Variants in C5orf63 observed in about 807,000 individuals in gnomAD.
The protein encoded by C5orf63 is chromosome 5 open reading frame 63.
A neutral mutation model predicts 13.3 loss-of-function variants in C5orf63; 18 were observed. That is an observed-to-expected ratio of 1.36 (90% CI 0.94 to 2.01). C5orf63 has a LOEUF of 2.01. C5orf63 is among the 30% of genes most tolerant of loss of function. The pLI, the probability that C5orf63 is intolerant of heterozygous loss-of-function variation, is 0.00. For synonymous variants in C5orf63, 38 were observed against 44.7 expected, an observed-to-expected ratio of 0.85 and a Z score of 0.60; for missense variants, 118 against 127.7, an observed-to-expected ratio of 0.92 and a Z score of 0.36.
chr5:127,062,879 G>A (rs1754161224), intron 2 of C5orf63, among the ~76,000 whole-genome samples: 1 of 152,120 alleles, frequency 6.6e-6, no homozygotes, highest in African/African-American at 2.4e-5. Flanking sequence ...CATGAAATAT[G>A]TGTCCTTACT....
chr5:127,058,344 A>T (rs762006658), intron 3 of C5orf63, among the ~76,000 whole-genome samples: 3 of 152,232 alleles, frequency 2.0e-5, no homozygotes, highest in Non-Finnish European at 4.4e-5. Flanking sequence ...CTCTAACTGC[A>T]TCCATGTTGC....
downstream of C5orf63, chr5:127,047,632 G>C: frequency 1.5e-6 from 1 of 680,446 alleles, no homozygotes; most frequent in East Asian, 2.7e-5. Context: ...GCATCTTTCT[G>C]TCTCCCTCTA....
intron 3 of C5orf63, among the ~76,000 whole-genome samples, chr5:127,055,351 A>C (rs982196237): frequency 6.6e-6 from 1 of 152,216 alleles, no homozygotes; most frequent in Admixed American, 6.5e-5. Flanking sequence ...ACCTGACTTC[A>C]AACTATATTA....
chr5:127,052,961 T>C (rs961779932), intron 3 of C5orf63, among the ~76,000 whole-genome samples: 5 of 152,218 alleles, frequency 3.3e-5, no homozygotes, highest in African/African-American at 1.2e-4. Context: ...TAGATGTTTC[T>C]CTTTTTCACT....
intron 2 of C5orf63, among the ~76,000 whole-genome samples, chr5:127,070,188 A>C (rs1055855779): frequency 1.3e-5 from 2 of 152,188 alleles, no homozygotes; most frequent in Non-Finnish European, 2.9e-5. Context: ...AAAGATTCAC[A>C]TCCATTTCAT....
At chr5:127,046,375 T>G (rs1032416769), downstream of C5orf63, 1 of 152,260 alleles carries the variant, frequency 6.6e-6, no homozygotes, top group Non-Finnish European at 1.5e-5. Context: ...AGTCATGAAG[T>G]TTTGTCAACC....
At chr5:127,060,773 C>A (rs1397501425) in intron 2 of C5orf63, among the ~76,000 whole-genome samples, 1 of 152,184 alleles carries the variant, frequency 6.6e-6, no homozygotes, top group African/African-American at 2.4e-5. Context: ...TTGGCCTGGG[C>A]CTCATGTAAT....
At chr5:127,059,908 G>T (rs1462267972) in intron 2 of C5orf63, among the ~76,000 whole-genome samples, 1 of 152,084 alleles carries the variant, frequency 6.6e-6, no homozygotes, top group Non-Finnish European at 1.5e-5. Context: ...CACTTTGGGA[G>T]GCCAAGGCAT....
At chr5:127,054,578 G>A (rs1273800280) in intron 3 of C5orf63, among the ~76,000 whole-genome samples, 1 of 152,066 alleles carries the variant, frequency 6.6e-6, no homozygotes, top group Non-Finnish European at 1.5e-5. Flanking sequence ...CTTTTTGATG[G>A]GATTGTTTGA....
downstream of C5orf63, among the ~76,000 whole-genome samples, chr5:127,048,845 A>G (rs1162431008): frequency 6.6e-6 from 1 of 152,188 alleles, no homozygotes. Flanking sequence ...GAAGGGAACC[A>G]ATGGATTTTC....
intron 2 of C5orf63, among the ~76,000 whole-genome samples, chr5:127,068,324 G>C (rs1188154858): frequency 6.6e-6 from 1 of 152,084 alleles, no homozygotes; most frequent in Non-Finnish European, 1.5e-5. Flanking sequence ...CCTTAAAGAG[G>C]ACTCAAATTC....
chr5:127,057,682 T>C (rs368578183), intron 3 of C5orf63, among the ~76,000 whole-genome samples: 1 of 152,190 alleles, frequency 6.6e-6, no homozygotes, highest in Non-Finnish European at 1.5e-5. Flanking sequence ...TGGTGAGAGA[T>C]TTCAGTTACC....
Position 127,051,633 on chromosome 5 carries a change from T to C in C5orf63, c.*138A>G. On this transcript the variant is annotated 3_prime_UTR_variant, in exon 5 of 5. Transcript: ENST00000296662. ...ACTTCCATCAACCAAAAGGGGAATG[T>C]CAACATTTATTTGGCACCACTGAAT... The C allele has an allele frequency of 7.8e-7, 1 of 1,283,632 alleles. No homozygotes were observed. Among genetic ancestry groups the C allele is most frequent in the African/African-American group, 1.5e-5 (1 of 65,970 alleles). 79.5% of individuals were successfully genotyped at this position (1,283,632 alleles called of 1,614,324 possible). A position where few individuals can be genotyped will look rare whatever the true frequency, so the allele number is the denominator to read the frequency against.
downstream of C5orf63, among the ~76,000 whole-genome samples, chr5:127,050,976 T>A (rs1753653991): frequency 6.6e-6 from 1 of 152,200 alleles, no homozygotes; most frequent in African/African-American, 2.4e-5. Context: ...GAGTATTTTA[T>A]CTTTAGATGA....
chr5:127,055,723 T>A (rs1279157991), intron 3 of C5orf63, among the ~76,000 whole-genome samples: 2 of 152,124 alleles, frequency 1.3e-5, no homozygotes, highest in African/African-American at 2.4e-5. Flanking sequence ...CAACACAGGA[T>A]CTTAAAAGCA....
At chr5:127,051,191 T>C (rs1330876449), downstream of C5orf63, 4 of 630,412 alleles carry the variant, frequency 6.3e-6, no homozygotes, top group Non-Finnish European at 9.0e-6. Context: ...TCTTTTGTTT[T>C]TCTCAAATGA....
chr5:127,052,419 C>G (rs990653325), intron 4 of C5orf63, 194 bp downstream of exon 4: 2 of 416,188 alleles, frequency 4.8e-6, no homozygotes, highest in Non-Finnish European at 8.3e-6. Context: ...AAAACCAGTA[C>G]TGCTCAGAGG....
intron 2 of C5orf63, among the ~76,000 whole-genome samples, chr5:127,065,022 A>AT (rs1754270116): frequency 6.6e-6 from 1 of 151,980 alleles, no homozygotes; most frequent in Non-Finnish European, 1.5e-5. Context: ...TGTTTAGCTC[A>AT]TTTTTTCACC....
chr5:127,049,376 T>C (rs1302170981), downstream of C5orf63, among the ~76,000 whole-genome samples: 2 of 152,168 alleles, frequency 1.3e-5, no homozygotes, highest in Admixed American at 1.3e-4. Context: ...ATATTTTACA[T>C]ATACTGTTCC....
Sources: allele counts gnomAD v4.1 joint callset (sites outside exome capture counted in the v4.1 genomes callset), GRCh38; gene constraint gnomAD v4.1.1; transcripts MANE v1.5; gene names NCBI Gene and HGNC (gene_info 2026-07-23, HGNC 2026-07-21).